Variants in PLEKHH2 observed in about 807,000 individuals in gnomAD.
PLEKHH2 encodes the protein pleckstrin homology domain-containing family H member 2.
A neutral mutation model predicts 187.9 loss-of-function variants in PLEKHH2; 129 were observed. The observed-to-expected ratio is 0.69, with a 90% confidence interval of 0.59 to 0.79. The LOEUF is 0.79. Ranked by LOEUF, PLEKHH2 falls within the 30% of genes least tolerant of loss-of-function variation. The probability of loss-of-function intolerance (pLI) is 0.00; values close to 1 mark genes in which losing one functional copy is unlikely to be tolerated. For synonymous variants in PLEKHH2, 686 were observed against 605.6 expected (o/e 1.13, Z -1.95); for missense variants, 2,076 against 1,751.2 (o/e 1.19, Z -3.31).
intron 3 of PLEKHH2, among the ~76,000 whole-genome samples, chr2:43,685,600 T>G (rs1163749522): frequency 1.4e-5 from 2 of 145,656 alleles, no homozygotes; most frequent in African/African-American, 5.0e-5. Context: ...GTTAATGTTT[T>G]TTAACCTTTT....
chr2:43,725,957 A>C (rs2104557953), intron 16 of PLEKHH2, among the ~76,000 whole-genome samples: 1 of 150,328 alleles, frequency 6.7e-6, no homozygotes, highest in East Asian at 2.0e-4. Flanking sequence ...AAAAAAAATC[A>C]TTTTTTTTTA....
intron 3 of PLEKHH2, among the ~76,000 whole-genome samples, chr2:43,691,724 C>T (rs1214179683): frequency 6.6e-6 from 1 of 152,036 alleles, no homozygotes; most frequent in Non-Finnish European, 1.5e-5. Context: ...TCTCTCTTAC[C>T]CATTAGAATT....
At chr2:43,675,338 T>G in intron 2 of PLEKHH2, 1 of 1,421,006 alleles carries the variant, frequency 7.0e-7, no homozygotes, top group Non-Finnish European at 9.4e-7. Flanking sequence ...ACATTTCAAG[T>G]GCTCTTGGAC....
chr2:43,725,390 A>C (rs968019554), intron 16 of PLEKHH2, among the ~76,000 whole-genome samples: 1 of 152,164 alleles, frequency 6.6e-6, no homozygotes, highest in Non-Finnish European at 1.5e-5. Context: ...GGCCCATTGT[A>C]CAAGTGTGGA....
intron 14 of PLEKHH2, chr2:43,711,116 A>G (rs1469071845): frequency 1.0e-6 from 1 of 985,626 alleles, no homozygotes; most frequent in Non-Finnish European, 1.2e-6. Context: ...CTTGCCAGAA[A>G]TCTGTTAAAT....
intron 19 of PLEKHH2, among the ~76,000 whole-genome samples, chr2:43,732,193 A>G (rs756690822): frequency 7.2e-5 from 11 of 151,968 alleles, no homozygotes; most frequent in Non-Finnish European, 1.5e-4. Context: ...GTGAAACCCC[A>G]TCTCTACTAA....
At chr2:43,739,975 T>A (rs1205460845) in intron 20 of PLEKHH2, among the ~76,000 whole-genome samples, 1 of 152,240 alleles carries the variant, frequency 6.6e-6, no homozygotes, top group East Asian at 1.9e-4. Flanking sequence ...TGTTGTATTA[T>A]AATTTACTGT....
chr2:43,761,047 T>A (rs1023720160), intron 27 of PLEKHH2, among the ~76,000 whole-genome samples: 4 of 152,236 alleles, frequency 2.6e-5, no homozygotes, highest in Non-Finnish European at 4.4e-5. Flanking sequence ...CACCTGTCAG[T>A]GGACACTAGA....
chr2:43,731,681 TA>T lies in PLEKHH2; in HGVS notation c.2943+81del, dbSNP rs1671047859. ...TAAATAATTGGAAAAAAATTAAAAATAACATTTTGGGTTACAAAATTTTACT... is the reference window on the plus strand; with the variant it reads ...TAAATAATTGGAAAAAAATTAAAAATACATTTTGGGTTACAAAATTTTACT... On this transcript the variant is annotated intron_variant, in intron 19 of 29. Coordinates refer to ENST00000282406, the MANE Select transcript of PLEKHH2 (RefSeq NM_172069.4). 5 of 999,330 alleles carry T rather than the reference TA, an allele frequency of 5.0e-6. No individual in the cohort carries two copies. In the African/African-American group the frequency reaches 8.4e-5, roughly 17 times the overall value. The allele number at this position is 999,330 out of a possible 1,614,324, so 61.9% of individuals were successfully genotyped here.
intron 10 of PLEKHH2, among the ~76,000 whole-genome samples, chr2:43,706,841 A>G (rs184301473): frequency 3.2e-4 from 48 of 152,364 alleles, no homozygotes; most frequent in Non-Finnish European, 2.1e-4. Context: ...ATTGCTTATT[A>G]GAATTCAGGG....
intron 2 of PLEKHH2, among the ~76,000 whole-genome samples, chr2:43,670,654 T>A (rs998606285): frequency 6.6e-6 from 1 of 152,086 alleles, no homozygotes; most frequent in Non-Finnish European, 1.5e-5. Context: ...CTTAGGCTAT[T>A]CTAGGTCCTG....
intron 2 of PLEKHH2, among the ~76,000 whole-genome samples, chr2:43,651,969 G>A (rs892268616): frequency 6.6e-6 from 1 of 152,000 alleles, no homozygotes; most frequent in Non-Finnish European, 1.5e-5. Context: ...ATTTTTAGTG[G>A]TCTATTTATA....
intron 25 of PLEKHH2, among the ~76,000 whole-genome samples, chr2:43,754,869 C>CTT (rs3066318): frequency 0.27 from 29,054 of 108,524 alleles, 4,735 homozygotes; most frequent in African/African-American, 0.43. Flanking sequence ...TTAAAATCAA[C>CTT]TTTTTTTTTT....
rs187536531 is a variant in PLEKHH2 at position 43,737,748 on chromosome 2, T to C, written c.2944-593T>C. ...AGAGAGTGACCAAGATGGAAGTGCA[T>C]TGTTTTTTATAAGCTAATCTTAGAA... is the stretch of plus-strand genomic sequence containing the variant. On this transcript the variant is annotated intron_variant, in intron 19 of 29. Transcript: ENST00000282406. Among the ~76,000 whole-genome samples the C allele has an allele frequency of 7.7e-4, 118 of 152,282 alleles. No homozygotes were observed. The Middle Eastern group carries it at 0.01, about 13-fold the overall frequency.
intron 14 of PLEKHH2, 120 bp downstream of exon 14, chr2:43,710,695 T>C (rs1426121624): frequency 1.4e-6 from 2 of 1,462,744 alleles, no homozygotes; most frequent in Non-Finnish European, 9.0e-7. Context: ...CTTTGGGGGG[T>C]TAGTTTGATG....
chr2:43,657,832 G>C (rs1666869489), intron 2 of PLEKHH2, among the ~76,000 whole-genome samples: 2 of 152,188 alleles, frequency 1.3e-5, no homozygotes, highest in Admixed American at 6.5e-5. Flanking sequence ...CGGGCAGACT[G>C]GTGTAGGGTG....
At chr2:43,720,868 T>C (rs1280544400) in intron 16 of PLEKHH2, 119 bp downstream of exon 16, 8 of 1,402,520 alleles carry the variant, frequency 5.7e-6, no homozygotes, top group Non-Finnish European at 6.6e-6. Context: ...AGGTTGAAAT[T>C]TGGTATAATT....
intron 25 of PLEKHH2, among the ~76,000 whole-genome samples, chr2:43,754,927 A>C (rs1328831945): frequency 7.3e-6 from 1 of 137,554 alleles, no homozygotes; most frequent in Non-Finnish European, 1.5e-5. Flanking sequence ...AGCTGGAGTG[A>C]AGTGGCACAA....
chr2:43,738,096 A>G (rs1221383288), intron 19 of PLEKHH2, among the ~76,000 whole-genome samples: 1 of 152,186 alleles, frequency 6.6e-6, no homozygotes, highest in East Asian at 1.9e-4. Flanking sequence ...TGTCTTCTAG[A>G]TGAACTGACC....
Sources: gnomAD v4.1 joint callset for allele counts (sites outside exome capture counted in the v4.1 genomes callset) on GRCh38, gnomAD v4.1.1 for gene constraint, MANE v1.5 for transcripts, NCBI Gene and HGNC (gene_info 2026-07-23, HGNC 2026-07-21) for gene names.